SPDYA: variants seen among roughly 807,000 people sequenced by gnomAD.
The protein encoded by SPDYA is speedy protein A.
A neutral mutation model predicts 36.7 loss-of-function variants in SPDYA; 11 were observed. The observed-to-expected ratio is 0.30, with a 90% CI of 0.19 to 0.50. SPDYA has a LOEUF of 0.50. SPDYA is among the 20% of genes least tolerant of loss of function. The pLI, the probability that SPDYA is intolerant of heterozygous loss-of-function variation, is 0.98. For synonymous variants in SPDYA, 115 were observed against 118.7 expected (o/e 0.97, Z 0.20); for missense variants, 287 against 370.9 (o/e 0.77, Z 1.86).
intron 7 of SPDYA, among the ~76,000 whole-genome samples, chr2:28,844,239 GAATT>G (rs941905828): frequency 5.3e-5 from 8 of 152,206 alleles, no homozygotes; most frequent in African/African-American, 1.9e-4. Flanking sequence ...AAAGATTTCA[GAATT>G]AATTCTGTGG....
At chr2:28,827,516 C>T (rs868493270) in intron 5 of SPDYA, among the ~76,000 whole-genome samples, 1 of 152,074 alleles carries the variant, frequency 6.6e-6, no homozygotes, top group Middle Eastern at 3.4e-3. Flanking sequence ...ACCTTGTTCC[C>T]TTATGTGTTT....
In SPDYA at chr2:28,849,940, G is replaced by C. The variant is rs773358536; in HGVS notation, c.941G>C (p.Ter314SerextTer11). Residue 314 changes from the stop codon to serine (S), a stop_lost, in exon 8 of 8, where the codon TGA becomes TCA. Coordinates refer to ENST00000334056, the MANE Select transcript of SPDYA (RefSeq NM_182756.4). Reference sequence around the variant, plus strand: ...GAGTGGTTTACAGGAAGTGAAGAATGAGATGGCCCAACTAAACCAATTTGG... The same window carrying C: ...GAGTGGTTTACAGGAAGTGAAGAATCAGATGGCCCAACTAAACCAATTTGG... ...SMEWFTGSEE[*>S] 5 of 1,583,818 alleles carry C rather than the reference G, an allele frequency of 3.2e-6. No homozygotes were observed. The highest frequency in any genetic ancestry group is 4.3e-6 in the Non-Finnish European group (5 of 1,168,550).
In SPDYA at chr2:28,819,081, A is replaced by T. The variant is rs1442040077; in HGVS notation, c.269A>T (p.Asp90Val). Residue 90 changes from aspartate to valine, a missense_variant, in exon 4 of 8, where the codon GAC (aspartate) becomes GTC (valine). Asp to Val is a radical substitution (Grantham distance 152, BLOSUM62 -3). Coordinates refer to ENST00000334056, the MANE Select transcript of SPDYA (RefSeq NM_182756.4). ...TTAATTCAAGATTTCTTGTGGATGG[A>T]CTGCTGCTGTAAAATTGCAGACAAG... ...DDLIQDFLWM[D>V]CCCKIADKYL... The T allele has an allele frequency of 2.5e-6, 4 of 1,611,774 alleles. No individual in the cohort carries two copies. The highest frequency in any genetic ancestry group is 2.5e-6 in the Non-Finnish European group (3 of 1,178,930).
chr2:28,824,470 TG>T (rs1280261575), intron 5 of SPDYA, among the ~76,000 whole-genome samples: 1 of 96,066 alleles, frequency 1.0e-5, no homozygotes, highest in African/African-American at 4.1e-5. Flanking sequence ...AGCAAGATGC[TG>T]TCAGGAGAAA....
chr2:28,821,395 G>T (rs113863111), intron 4 of SPDYA, among the ~76,000 whole-genome samples: 34 of 151,832 alleles, frequency 2.2e-4, no homozygotes, highest in African/African-American at 8.2e-4. Flanking sequence ...AGAGATGGGG[G>T]TTTTACCATA....
At chr2:28,833,153 C>T (rs1311591060) in intron 6 of SPDYA, among the ~76,000 whole-genome samples, 1 of 152,142 alleles carries the variant, frequency 6.6e-6, no homozygotes, top group Non-Finnish European at 1.5e-5. Context: ...ATTCTTCATA[C>T]AGCTGCCAGA....
At chr2:28,827,266 T>C (rs1244667574) in intron 5 of SPDYA, among the ~76,000 whole-genome samples, 2 of 152,110 alleles carry the variant, frequency 1.3e-5, no homozygotes, top group Non-Finnish European at 1.5e-5. Flanking sequence ...TATCTGTGTT[T>C]CTTTGGGCTG....
At chr2:28,824,475 G>A (rs2148085080) in intron 5 of SPDYA, among the ~76,000 whole-genome samples, 2 of 54,180 alleles carry the variant, frequency 3.7e-5, no homozygotes, top group Middle Eastern at 6.7e-3. Context: ...GATGCTGTCA[G>A]GAGAAAAAAA....
rs554087394 is a variant in SPDYA at position 28,811,870 on chromosome 2, C to T, written c.-93+923C>T. The stretch of plus-strand genomic sequence containing the variant: ...CCTCGGGAGGCTGAGGCGGGAGAAT[C>T]GCTTGAACCCGGGAGGCAGAGGTGG... On this transcript the variant is annotated intron_variant, in intron 1 of 7. Transcript: ENST00000334056. The surrounding 1 kb of genome is among the most constrained non-coding windows in gnomAD (Gnocchi z 4.2). Among the ~76,000 whole-genome samples, 4 of 152,062 alleles carry T rather than the reference C, an allele frequency of 2.6e-5. No homozygotes were observed. The highest frequency in any genetic ancestry group is 5.9e-5 in the Non-Finnish European group (4 of 68,000).
At chr2:28,846,722 TACACACACACACACACACACACACACAC>T (rs58731880) in intron 7 of SPDYA, among the ~76,000 whole-genome samples, 1 of 126,558 alleles carries the variant, frequency 7.9e-6, no homozygotes, top group African/African-American at 3.0e-5. Context: ...AGAAGAAAAC[TACACACACACACACACACACACACACAC>T]ACACACACAC....
chr2:28,815,154 C>T (rs1667953447), intron 2 of SPDYA, among the ~76,000 whole-genome samples: 6 of 151,916 alleles, frequency 3.9e-5, no homozygotes, highest in Admixed American at 3.9e-4. Context: ...TGGTGGCATA[C>T]ACCTGTGGTC....
At chr2:28,812,396 C>T (rs571032483) in intron 1 of SPDYA, among the ~76,000 whole-genome samples, 1 of 151,904 alleles carries the variant, frequency 6.6e-6, no homozygotes, top group Non-Finnish European at 1.5e-5. Flanking sequence ...GAACCACCAC[C>T]CTTTATATCA....
intron 6 of SPDYA, among the ~76,000 whole-genome samples, chr2:28,833,575 T>C (rs930829948): frequency 2.0e-5 from 3 of 152,204 alleles, no homozygotes; most frequent in African/African-American, 7.2e-5. Context: ...ACAATTATGT[T>C]CAATTGAATT....
At position 28,850,570 on chromosome 2, in the gene SPDYA, T is replaced by G; in HGVS notation, c.*629T>G. 1.8e-6 allele frequency: 1 copy of G among 565,076 alleles called. No individual in the cohort carries two copies. Among genetic ancestry groups the G allele is most frequent in the Non-Finnish European group, 3.1e-6 (1 of 318,712 alleles). The allele number at this position is 565,076 out of a possible 1,614,324, so 35.0% of individuals were successfully genotyped here. ...TGCCAGTTATTATACAGAAACTATT[T>G]GTCAATGATTATGTAATAAACATAT... On this transcript the variant is annotated 3_prime_UTR_variant, in exon 8 of 8. Coordinates refer to ENST00000334056, the MANE Select transcript of SPDYA (RefSeq NM_182756.4).
At chr2:28,839,614 G>A (rs1668698673) in intron 6 of SPDYA, among the ~76,000 whole-genome samples, 1 of 152,134 alleles carries the variant, frequency 6.6e-6, no homozygotes, top group East Asian at 1.9e-4. Context: ...CCATTCTCCT[G>A]CCTCAGCCTC....
At chr2:28,828,659 A>T (rs1297932483) in intron 5 of SPDYA, among the ~76,000 whole-genome samples, 1 of 152,222 alleles carries the variant, frequency 6.6e-6, no homozygotes, top group African/African-American at 2.4e-5. Flanking sequence ...ATATGTGTAT[A>T]AGAAAATTAC....
intron 7 of SPDYA, among the ~76,000 whole-genome samples, chr2:28,849,148 C>T (rs1037901076): frequency 3.3e-5 from 5 of 151,818 alleles, no homozygotes; most frequent in Non-Finnish European, 7.4e-5. Flanking sequence ...ATATGGATAA[C>T]CTGAAAGATA....
chr2:28,819,128 C>A, intron 4 of SPDYA, 22 bp downstream of exon 4: 3 of 1,563,914 alleles, frequency 1.9e-6, no homozygotes, highest in South Asian at 1.1e-5. Context: ...AACAGTATAA[C>A]AATTAACCAG....
chr2:28,840,142 A>G, intron 6 of SPDYA, 30 bp from the exon 7 acceptor site: 1 of 1,582,876 alleles, frequency 6.3e-7, no homozygotes, highest in Non-Finnish European at 8.6e-7. Flanking sequence ...AAATATTACT[A>G]AAATTCTAAA....
Sources: gnomAD v4.1 joint callset for allele counts (sites outside exome capture counted in the v4.1 genomes callset) on GRCh38, gnomAD v4.1.1 for gene constraint, Gnocchi (gnomAD v3.1) non-coding constraint, MANE v1.5 for transcripts, NCBI Gene and HGNC (gene_info 2026-07-23, HGNC 2026-07-21) for gene names.